ZNF565: variants seen among roughly 807,000 people sequenced by gnomAD.
The protein encoded by ZNF565 is zinc finger protein 565.
Under a neutral mutation model 39.4 loss-of-function variants are expected in ZNF565, and 27 were observed. The observed-to-expected ratio is 0.69, with a 90% confidence interval of 0.51 to 0.95. ZNF565 has a LOEUF of 0.95. ZNF565 is among the 40% of genes least tolerant of loss of function. The probability of loss-of-function intolerance (pLI) is 0.00; values close to 1 mark genes in which losing one functional copy is unlikely to be tolerated. For missense variants in ZNF565, 524 were observed against 621.1 expected, an observed-to-expected ratio of 0.84 and a Z score of 1.66; for synonymous variants, 185 against 216.6, an observed-to-expected ratio of 0.85 and a Z score of 1.28.
chr19:36,233,610 A>C (rs200266017), intron 1 of ZNF565, among the ~76,000 whole-genome samples: 1 of 151,944 alleles, frequency 6.6e-6, no homozygotes, highest in Non-Finnish European at 1.5e-5. Flanking sequence ...AGTGGAGAGA[A>C]GGTCAGCAGG....
intron 1 of ZNF565, among the ~76,000 whole-genome samples, chr19:36,221,927 C>CTTTTTTTTTTTTT (rs60347994): frequency 8.5e-4 from 93 of 109,864 alleles, no homozygotes; most frequent in Non-Finnish European, 1.1e-3. Context: ...TTTTTTCTTT[C>CTTTTTTTTTTTTT]TTTTTTTTTT....
intron 1 of ZNF565, among the ~76,000 whole-genome samples, chr19:36,239,274 C>T (rs114341947): frequency 8.3e-4 from 126 of 151,732 alleles, no homozygotes; most frequent in African/African-American, 2.8e-3. Context: ...TTTTCCTCTC[C>T]TGCATATTTC....
At chr19:36,232,701 C>T (rs530692190) in intron 1 of ZNF565, among the ~76,000 whole-genome samples, 2 of 151,764 alleles carry the variant, frequency 1.3e-5, no homozygotes, top group South Asian at 2.1e-4. Flanking sequence ...CTCCACCTCC[C>T]GGTTTCAAGT....
chr19:36,206,517 G>C (rs1214851819), intron 1 of ZNF565, among the ~76,000 whole-genome samples: 1 of 151,980 alleles, frequency 6.6e-6, no homozygotes, highest in East Asian at 1.9e-4. Context: ...CCATAGACAT[G>C]ATATTGATAT....
intron 1 of ZNF565, chr19:36,237,356 A>T (rs780646793): frequency 1.3e-6 from 2 of 1,551,744 alleles, no homozygotes; most frequent in Admixed American, 4.1e-5. Flanking sequence ...GAAAGCTTTC[A>T]TTAGAAATTT....
chr19:36,214,151 T>TACACACAA (rs1976485890), intron 1 of ZNF565, among the ~76,000 whole-genome samples: 1 of 151,068 alleles, frequency 6.6e-6, no homozygotes, highest in Admixed American at 6.6e-5. Flanking sequence ...ACCACACACA[T>TACACACAA]ACACACAAAC....
At chr19:36,194,662 T>C (rs1056704122) in intron 3 of ZNF565, 4 of 464,812 alleles carry the variant, frequency 8.6e-6, no homozygotes, top group African/African-American at 3.9e-5. Context: ...ATCTATTCCT[T>C]GATGCTCCTG....
chr19:36,217,451 T>C (rs1976659201), upstream of ZNF565, among the ~76,000 whole-genome samples: 1 of 151,902 alleles, frequency 6.6e-6, no homozygotes, highest in Non-Finnish European at 1.5e-5. Flanking sequence ...TTGGTGTACA[T>C]CGATACAACA....
chr19:36,204,306 T>G (rs574896233), intron 1 of ZNF565, among the ~76,000 whole-genome samples: 2 of 152,196 alleles, frequency 1.3e-5, no homozygotes, highest in African/African-American at 2.4e-5. Context: ...CTGTAAAATG[T>G]AGAATAGGAA....
chr19:36,200,614 G>A (rs1250261143), intron 2 of ZNF565, among the ~76,000 whole-genome samples: 8 of 149,994 alleles, frequency 5.3e-5, no homozygotes, highest in Admixed American at 4.7e-4. Flanking sequence ...TCAGCCTCCC[G>A]AGTAGCTGGG....
chr19:36,193,483 C>T (rs1458195586), intron 4 of ZNF565, among the ~76,000 whole-genome samples: 2 of 148,888 alleles, frequency 1.3e-5, no homozygotes, highest in African/African-American at 2.5e-5. Context: ...CTCTGTTGCC[C>T]AGGCTGGAGT....
intron 1 of ZNF565, among the ~76,000 whole-genome samples, chr19:36,230,412 G>A (rs961665119): frequency 5.3e-5 from 8 of 152,180 alleles, no homozygotes; most frequent in African/African-American, 1.9e-4. Flanking sequence ...CTTAAAAAAT[G>A]TATACTATCA....
At chr19:36,183,798 T>C in intron 4 of ZNF565, 65 bp from the exon 5 acceptor site, 3 of 1,450,800 alleles carry the variant, frequency 2.1e-6, no homozygotes, top group East Asian at 2.3e-5. Flanking sequence ...AAAAATTCTA[T>C]AGTAGAGGCC....
chr19:36,235,681 A>T (rs2145466428), intron 1 of ZNF565: 1 of 152,372 alleles, frequency 6.6e-6, no homozygotes, highest in African/African-American at 2.4e-5. Flanking sequence ...AAGATGATGC[A>T]CAGATAGAGA....
chr19:36,224,582 A>G (rs548538892), intron 1 of ZNF565, among the ~76,000 whole-genome samples: 50 of 152,182 alleles, frequency 3.3e-4, no homozygotes, highest in Non-Finnish European at 5.4e-4. Flanking sequence ...ACTTTGTGGT[A>G]TAGCTAGTCT....
rs1395329703 is a variant in ZNF565 at position 36,214,604 on chromosome 19, G to A, written c.-66+18C>T. ...CCGGACACGCCCCGGCCCCGCCCAG[G>A]ACTCCCAGACCCCTCACCTTCTGCC... On this transcript the variant is annotated intron_variant, in intron 1 of 4. Transcript: ENST00000304116. 1.3e-5 allele frequency: 2 copies of A among 152,868 alleles called. No homozygotes were observed. The highest frequency in any genetic ancestry group is 4.8e-5 in the African/African-American group (2 of 41,458). The allele number at this position is 152,868 out of a possible 1,614,324, so 9.5% of individuals were successfully genotyped here.
chr19:36,224,463 G>A (rs1184880640), intron 1 of ZNF565, among the ~76,000 whole-genome samples: 1 of 152,164 alleles, frequency 6.6e-6, no homozygotes, highest in African/African-American at 2.4e-5. Flanking sequence ...CATTTATTTG[G>A]TCTGTTTCTG....
intron 2 of ZNF565, among the ~76,000 whole-genome samples, chr19:36,196,653 T>C (rs1480384652): frequency 1.3e-5 from 2 of 152,116 alleles, no homozygotes; most frequent in African/African-American, 4.8e-5. Flanking sequence ...ACAGCAAACC[T>C]GGGCCTGGCA....
chr19:36,226,171 A>C (rs1977058029), intron 1 of ZNF565, among the ~76,000 whole-genome samples: 1 of 152,156 alleles, frequency 6.6e-6, no homozygotes, highest in Non-Finnish European at 1.5e-5. Context: ...TGATCTGTAT[A>C]TCCAACTGCC....
Sources: allele counts gnomAD v4.1 joint callset (sites outside exome capture counted in the v4.1 genomes callset), GRCh38; gene constraint gnomAD v4.1.1; transcripts MANE v1.5; gene names NCBI Gene and HGNC (gene_info 2026-07-23, HGNC 2026-07-21).